MYH1: variants seen among roughly 807,000 people sequenced by gnomAD.
MYH1 encodes the protein myosin-1.
MYH1 carries 214 observed loss-of-function variants against 225.6 expected under a neutral mutation model. The ratio of observed to expected loss-of-function variants is 0.95; its 90% confidence interval spans 0.85 to 1.06. The LOEUF (loss-of-function observed/expected upper bound fraction) is 1.06. Ranked by LOEUF, MYH1 falls within the 50% of genes least tolerant of loss-of-function variation. The pLI is 0.00. For synonymous variants in MYH1, 774 were observed against 842.3 expected (o/e 0.92, Z 1.40); for missense variants, 2,098 against 2,344.2 (o/e 0.89, Z 2.17).
At chr17:10,512,042 A>T (rs1319998836) in intron 13 of MYH1, 32 bp downstream of exon 13, 1 of 1,613,974 alleles carries the variant, frequency 6.2e-7, no homozygotes. Context: ...AAGGCCTGGG[A>T]TGTGTGTGAT....
rs1249824117 is a variant in MYH1, at chr17:10,492,438, G to A, written c.5798C>T (p.Thr1933Ile). 6.2e-7 allele frequency: 1 copy of A among 1,613,542 alleles called. No individual in the cohort carries two copies. The highest frequency in any genetic ancestry group is 1.7e-5 in the Admixed American group (1 of 59,864). The change falls in exon 40 of 40, where the codon ACA becomes ATA. Residue 1933 changes from threonine (T) to isoleucine (I), a missense_variant. Coordinates refer to ENST00000226207, the MANE Select transcript of MYH1 (RefSeq NM_005963.4). Reference protein sequence around the residue: ...KLRVKSREVHTKIISEE With the variant: ...KLRVKSREVHIKIISEE ...AAATTACTCTTCACTTATGATTTTT[G>A]TGTGAACCTCCCTGCTCTTCACCCT...
intron 17 of MYH1, among the ~76,000 whole-genome samples, chr17:10,506,585 C>T (rs901094261): frequency 3.3e-5 from 5 of 151,798 alleles, no homozygotes; most frequent in Non-Finnish European, 7.4e-5. Flanking sequence ...CTCTGCCTCC[C>T]GGGTTCAAAC....
intron 15 of MYH1, among the ~76,000 whole-genome samples, chr17:10,509,143 A>G (rs1194857375): frequency 6.6e-6 from 1 of 152,214 alleles, no homozygotes; most frequent in Non-Finnish European, 1.5e-5. Flanking sequence ...TTTAACGTAC[A>G]GTAGTAGAAA....
rs1234896673 is a variant in MYH1, at chr17:10,501,303, A to G, written c.3545T>C (p.Leu1182Pro). The change falls in exon 27 of 40, where the codon CTG becomes CCG. Residue 1182 changes from leucine to proline, a missense_variant. By Grantham distance (98) the Leu-to-Pro change is moderately conservative. Coordinates refer to ENST00000226207, the MANE Select transcript of MYH1 (RefSeq NM_005963.4). ...TTCATGCTGTAGGGTGGCCTCCTCCAGGTCCCTGCGCATTTTCTGGAACTC... is the reference window on the plus strand; with the variant it reads ...TTCATGCTGTAGGGTGGCCTCCTCCGGGTCCCTGCGCATTTTCTGGAACTC... Reference protein sequence around the residue: ...EAEFQKMRRDLEEATLQHEAT... With the variant: ...EAEFQKMRRDPEEATLQHEAT... 5.6e-6 allele frequency: 9 copies of G among 1,614,134 alleles called. No individual in the cohort carries two copies. The highest frequency in any genetic ancestry group is 7.6e-6 in the Non-Finnish European group (9 of 1,180,030).
chr17:10,492,687 A>C (rs1006753959), intron 39 of MYH1, 119 bp from the exon 40 acceptor site: 2 of 1,124,858 alleles, frequency 1.8e-6, no homozygotes, highest in African/African-American at 3.2e-5. Flanking sequence ...TATTTTAAGA[A>C]ACCTAGAGAA....
At chr17:10,499,117 C>G (rs187447348) in intron 28 of MYH1, 25 bp from the exon 29 acceptor site, 1 of 1,568,810 alleles carries the variant, frequency 6.4e-7, no homozygotes, top group Non-Finnish European at 8.7e-7. Flanking sequence ...GTCCAGAAAA[C>G]TCAACCTTAC....
intron 19 of MYH1, 119 bp downstream of exon 19, chr17:10,505,693 T>C: frequency 7.0e-7 from 1 of 1,430,902 alleles, no homozygotes; most frequent in South Asian, 1.3e-5. Context: ...ATATGGAGTT[T>C]GTTAAGTGAG....
intron 33 of MYH1, 64 bp downstream of exon 33, chr17:10,497,005 C>T: frequency 6.4e-7 from 1 of 1,563,692 alleles, no homozygotes. Flanking sequence ...ATTCACCATT[C>T]CTTACATTTA....
intron 6 of MYH1, among the ~76,000 whole-genome samples, chr17:10,514,517 C>G (rs981521050): frequency 4.6e-5 from 7 of 152,166 alleles, no homozygotes; most frequent in African/African-American, 1.4e-4. Flanking sequence ...AACAGACATT[C>G]TCTAAGTGGG....
chr17:10,517,677 A>G (rs2073241977), intron 2 of MYH1, among the ~76,000 whole-genome samples: 1 of 152,028 alleles, frequency 6.6e-6, no homozygotes, highest in African/African-American at 2.4e-5. Flanking sequence ...TATGCTGACA[A>G]TCATGTTTCG....
At position 10,514,150 on chromosome 17, in the gene MYH1, A is replaced by G. The variant is rs1311085147; in HGVS notation, c.534-26T>C. On this transcript the variant is annotated intron_variant, in intron 6 of 39. Coordinates refer to ENST00000226207, the MANE Select transcript of MYH1 (RefSeq NM_005963.4). ...CTGTCAAAGACCAAACGTATGAGAA[A>G]TTAAGCACTGTGACAAATGAAACTA... The G allele has an allele frequency of 2.5e-6, 4 of 1,611,608 alleles. No individual in the cohort carries two copies. In the South Asian group the frequency reaches 3.3e-5, roughly 13 times the overall value.
chr17:10,496,612 G>C, intron 33 of MYH1, 63 bp from the exon 34 acceptor site: 1 of 1,605,046 alleles, frequency 6.2e-7, no homozygotes, highest in Non-Finnish European at 8.5e-7. Flanking sequence ...CTAGAGATAA[G>C]AATGATTTAT....
At chr17:10,507,705 A>G (rs2073126989) in intron 17 of MYH1, among the ~76,000 whole-genome samples, 181 bp downstream of exon 17, 1 of 151,864 alleles carries the variant, frequency 6.6e-6, no homozygotes, top group African/African-American at 2.4e-5. Context: ...ATCTCTTCCA[A>G]ACTATCCCCT....
At position 10,516,063 on chromosome 17, in the gene MYH1, C is replaced by T. The variant is rs1486257262; in HGVS notation, c.368G>A (p.Cys123Tyr). ...WMIYTYSGLF[C>Y]VTVNPYKWLP... Reference sequence around the variant, plus strand: ...CCACTTGTAGGGGTTGACAGTGACACAGAACAAGCCTGAGTAGGTCTGCAC... The same window carrying T: ...CCACTTGTAGGGGTTGACAGTGACATAGAACAAGCCTGAGTAGGTCTGCAC... The change falls in exon 5 of 40, where the codon TGT becomes TAT. Residue 123 changes from cysteine to tyrosine, a missense_variant. By Grantham distance (194) the Cys-to-Tyr change is radical. Coordinates refer to ENST00000226207, the MANE Select transcript of MYH1 (RefSeq NM_005963.4). 3 of 1,614,054 alleles carry T rather than the reference C, an allele frequency of 1.9e-6. No homozygotes were observed. The highest frequency in any genetic ancestry group is 2.5e-6 in the Non-Finnish European group (3 of 1,179,948).
At chr17:10,514,262 C>A (rs2073203672) in intron 6 of MYH1, 138 bp from the exon 7 acceptor site, 7 of 1,062,460 alleles carry the variant, frequency 6.6e-6, no homozygotes, top group African/African-American at 3.2e-5. Context: ...CGTATTATTT[C>A]TTTTGCTTTG....
At chr17:10,501,991 C>T in intron 24 of MYH1, 80 bp from the exon 25 acceptor site, 2 of 1,356,912 alleles carry the variant, frequency 1.5e-6, no homozygotes, top group Middle Eastern at 2.0e-4. Flanking sequence ...AACATTATAT[C>T]TATGCAGCAA....
intron 6 of MYH1, among the ~76,000 whole-genome samples, chr17:10,514,579 G>A (rs1294221708): frequency 6.6e-6 from 1 of 152,172 alleles, no homozygotes; most frequent in Non-Finnish European, 1.5e-5. Flanking sequence ...CCTTTTGAAG[G>A]CTGTATGCTG....
In MYH1 at chr17:10,496,910, A is replaced by C. The variant is rs181319520; in HGVS notation, c.4656+159T>G. Among the ~76,000 whole-genome samples the C allele has an allele frequency of 2.6e-5, 4 of 152,328 alleles. No individual in the cohort carries two copies. The East Asian group carries it at 7.7e-4, about 29-fold the overall frequency. On this transcript the variant is annotated intron_variant, in intron 33 of 39. Coordinates refer to ENST00000226207, the MANE Select transcript of MYH1 (RefSeq NM_005963.4). Reference sequence around the variant, plus strand: ...CTCAGTGTGTAGCACAGTTCCTGACATATGGTTATGTTGGTTGTATGCATG... The same window carrying C: ...CTCAGTGTGTAGCACAGTTCCTGACCTATGGTTATGTTGGTTGTATGCATG...
intron 17 of MYH1, 65 bp downstream of exon 17, chr17:10,507,820 TC>T (rs146125789): frequency 1.4e-6 from 2 of 1,395,684 alleles, no homozygotes; most frequent in South Asian, 1.2e-5. Flanking sequence ...GTTAGTTTTT[TC>T]CCCCACACCA....
Sources: gnomAD v4.1 joint callset for allele counts (sites outside exome capture counted in the v4.1 genomes callset) on GRCh38, gnomAD v4.1.1 for gene constraint, MANE v1.5 for transcripts, NCBI Gene and HGNC (gene_info 2026-07-23, HGNC 2026-07-21) for gene names.